CCDC50: variants seen among roughly 807,000 people sequenced by gnomAD.
CCDC50 encodes the protein coiled-coil domain containing 50.
Under a neutral mutation model 70.2 loss-of-function variants are expected in CCDC50, and 54 were observed. The ratio of observed to expected loss-of-function variants is 0.77; its 90% CI spans 0.62 to 0.96. The LOEUF (loss-of-function observed/expected upper bound fraction) is 0.96, where lower values mean the gene tolerates loss of function less well. Ranked by LOEUF, CCDC50 falls within the 50% of genes least tolerant of loss-of-function variation. The pLI, the probability that CCDC50 is intolerant of heterozygous loss-of-function variation, is 0.00. For synonymous variants in CCDC50, 216 were observed against 198.8 expected (o/e 1.09, Z -0.73); for missense variants, 558 against 578.7 (o/e 0.96, Z 0.37).
intron 1 of CCDC50, among the ~76,000 whole-genome samples, chr3:191,335,686 AAAAC>A (rs1257728927): frequency 5.3e-5 from 8 of 152,234 alleles, no homozygotes. Context: ...AAAAGGAAAA[AAAAC>A]AAAGCAGTAA....
Position 191,380,250 on chromosome 3 carries a change from A to G in CCDC50, c.1068A>G (p.Arg356=). The G allele has an allele frequency of 6.2e-7, 1 of 1,612,712 alleles. No individual in the cohort carries two copies. Among genetic ancestry groups the G allele is most frequent in the Non-Finnish European group, 8.5e-7 (1 of 1,179,010 alleles). Residue 356 remains arginine (R), a synonymous_variant, in exon 7 of 12, where the codon AGA becomes AGG. Transcript: ENST00000392455. ...DQEWYDAEIA[R]KLQEEELLAT... ...AATGGTATGATGCTGAAATTGCCAG[A>G]AAACTGCAAGAAGAAGAACTTTTGG...
chr3:191,354,268 A>G (rs1447064724), intron 1 of CCDC50, among the ~76,000 whole-genome samples: 1 of 152,194 alleles, frequency 6.6e-6, no homozygotes, highest in Admixed American at 6.5e-5. Context: ...TGGCTCATGC[A>G]GCTAAGGCAC....
At chr3:191,378,017 A>C (rs1324535577) in intron 6 of CCDC50, among the ~76,000 whole-genome samples, 2 of 152,078 alleles carry the variant, frequency 1.3e-5, no homozygotes, top group Non-Finnish European at 2.9e-5. Context: ...CTGCACTGTG[A>C]GTTCTTTTTC....
At chr3:191,390,977 G>A (rs1713675483) in intron 11 of CCDC50, among the ~76,000 whole-genome samples, 1 of 152,168 alleles carries the variant, frequency 6.6e-6, no homozygotes, top group Non-Finnish European at 1.5e-5. Flanking sequence ...AAAATGAAAT[G>A]GTGAAAAGGT....
intron 1 of CCDC50, among the ~76,000 whole-genome samples, chr3:191,336,277 G>A (rs1274008089): frequency 6.6e-6 from 1 of 152,018 alleles, no homozygotes; most frequent in Non-Finnish European, 1.5e-5. Context: ...ATTCCCACCA[G>A]CAATGTATGT....
At chr3:191,383,544 T>C (rs1004674093) in intron 10 of CCDC50, among the ~76,000 whole-genome samples, 10 of 152,208 alleles carry the variant, frequency 6.6e-5, no homozygotes, top group Admixed American at 6.5e-4. Context: ...CTCTGAATTA[T>C]TCAAATTTGA....
At chr3:191,358,712 A>G (rs1249820788) in intron 3 of CCDC50, among the ~76,000 whole-genome samples, 3 of 152,210 alleles carry the variant, frequency 2.0e-5, no homozygotes, top group Non-Finnish European at 4.4e-5. Context: ...CTTTTGGCAC[A>G]GTGACTTTTA....
chr3:191,356,666 T>A (rs1462547408), intron 1 of CCDC50, among the ~76,000 whole-genome samples: 2 of 152,184 alleles, frequency 1.3e-5, no homozygotes, highest in Non-Finnish European at 2.9e-5. Context: ...GAAGCATAGA[T>A]TAGATTTCTT....
chr3:191,335,149 T>C (rs1718099303), intron 1 of CCDC50, among the ~76,000 whole-genome samples: 1 of 152,158 alleles, frequency 6.6e-6, no homozygotes, highest in African/African-American at 2.4e-5. Context: ...TTTTCCTCAG[T>C]GACAAAAAAC....
Position 191,364,451 on chromosome 3 carries a change from C to G in CCDC50, c.330+3292C>G, listed in dbSNP as rs141742372. ...TTGGTTAATAAGGACTTAGCAGCAG[C>G]AGGGCTGTGGAAAATCTCTCTCTGG... On this transcript the variant is annotated intron_variant, in intron 4 of 11. Transcript: ENST00000392455. 5.3e-3 allele frequency among the ~76,000 whole-genome samples: 811 copies of G among 151,844 alleles called. 4 individuals are homozygous for G. The highest frequency in any genetic ancestry group is 0.019 in the African/African-American group (771 of 41,380).
Position 191,391,752 on chromosome 3 carries a change from A to G in CCDC50, c.1441A>G (p.Lys481Glu). ...SESSHKGFHYKH is the reference protein window; with the variant it reads ...SESSHKGFHYEH ...CTTCCCCTCCCCAGGTTTTCATTAC[A>G]AACATTAAAAACCTAGGAATCTGCC... is the stretch of plus-strand genomic sequence containing the variant. Residue 481 changes from lysine to glutamate, a missense_variant, in exon 12 of 12, where the codon AAA (lysine) becomes GAA (glutamate). Transcript: ENST00000392455. The G allele has an allele frequency of 6.2e-7, 1 of 1,612,962 alleles. No individual in the cohort carries two copies. The highest frequency in any genetic ancestry group is 8.5e-7 in the Non-Finnish European group (1 of 1,179,208).
At chr3:191,337,521 T>A (rs796435055) in intron 1 of CCDC50, among the ~76,000 whole-genome samples, 12 of 152,210 alleles carry the variant, frequency 7.9e-5, no homozygotes, top group African/African-American at 2.9e-4. Flanking sequence ...ATTTTTGTAT[T>A]TTTAGTAGAG....
rs575023878 is a variant in CCDC50 at position 191,352,860 on chromosome 3, G to A, written c.50-4228G>A. Among the ~76,000 whole-genome samples the A allele has an allele frequency of 1.3e-3, 184 of 142,166 alleles. 24 individuals carry two copies. The highest frequency in any genetic ancestry group is 4.2e-3 in the African/African-American group (168 of 39,946). The allele number at this position is 142,166 out of a possible 152,430, so 93.3% of individuals were successfully genotyped here. A position where few individuals can be genotyped will look rare whatever the true frequency, so the allele number is the denominator to read the frequency against. On this transcript the variant is annotated intron_variant, in intron 1 of 11. Coordinates refer to ENST00000392455, the MANE Select transcript of CCDC50 (RefSeq NM_178335.3). ...TACTAAATTTGTTTAAATGATGTTT[G>A]ACATATTAGTGTGTTATGCTGTCAT...
intron 1 of CCDC50, among the ~76,000 whole-genome samples, chr3:191,333,510 T>A (rs1718054030): frequency 6.6e-6 from 1 of 152,206 alleles, no homozygotes; most frequent in Non-Finnish European, 1.5e-5. Context: ...AAACCCACTT[T>A]CCCTGTTTTT....
At chr3:191,330,456 C>A (rs1316192581) in intron 1 of CCDC50, 1 of 152,286 alleles carries the variant, frequency 6.6e-6, no homozygotes, top group Non-Finnish European at 1.5e-5. Context: ...CTTCCCTTCT[C>A]TTGTTTTTCC....
Position 191,329,452 on chromosome 3 carries a change from G to A in CCDC50, c.-223G>A. ...GGCCGGGGACGCGGAGCAGGTGGCC[G>A]CGGCGGGGCAGCTGGGCCGCCAGCT... On this transcript the variant is annotated 5_prime_UTR_variant, in exon 1 of 12. Transcript: ENST00000392455. 1 of 463,052 alleles carries A rather than the reference G, an allele frequency of 2.2e-6. No homozygotes were observed. The highest frequency in any genetic ancestry group is 3.8e-6 in the Non-Finnish European group (1 of 264,192). The allele number at this position is 463,052 out of a possible 1,614,324, so 28.7% of individuals were successfully genotyped here. A position where few individuals can be genotyped will look rare whatever the true frequency, so the allele number is the denominator to read the frequency against.
intron 3 of CCDC50, among the ~76,000 whole-genome samples, chr3:191,360,158 C>T (rs926857845): frequency 6.6e-6 from 1 of 152,186 alleles, no homozygotes; most frequent in African/African-American, 2.4e-5. Flanking sequence ...CCCGGGCTGC[C>T]GTAAGTCAGG....
intron 11 of CCDC50, among the ~76,000 whole-genome samples, chr3:191,390,496 G>A (rs888402506): frequency 8.8e-6 from 1 of 113,448 alleles, no homozygotes; most frequent in Non-Finnish European, 2.0e-5. Context: ...AATACAAGGG[G>A]TATATTATTC....
intron 1 of CCDC50, among the ~76,000 whole-genome samples, chr3:191,333,224 G>A (rs1718046328): frequency 6.6e-6 from 1 of 152,174 alleles, no homozygotes; most frequent in Admixed American, 6.5e-5. Context: ...TTTCTTTAGT[G>A]AAAGATACAA....
Sources: gnomAD v4.1 joint callset for allele counts (sites outside exome capture counted in the v4.1 genomes callset) on GRCh38, gnomAD v4.1.1 for gene constraint, MANE v1.5 for transcripts, NCBI Gene and HGNC (gene_info 2026-07-23, HGNC 2026-07-21) for gene names.